Variants in EMX1 observed in about 807,000 individuals in gnomAD.
EMX1 encodes the protein empty spiracles homeobox 1.
Under a neutral mutation model 20.1 loss-of-function variants are expected in EMX1, and 10 were observed. The ratio of observed to expected loss-of-function variants is 0.50; its 90% CI spans 0.31 to 0.84. EMX1 has a LOEUF of 0.84. Ranked by LOEUF, EMX1 falls within the 40% of genes least tolerant of loss-of-function variation. The pLI is 0.05. For synonymous variants in EMX1, 250 were observed against 200.4 expected, an observed-to-expected ratio of 1.25 and a Z score of -2.09; for missense variants, 424 against 431.9, an observed-to-expected ratio of 0.98 and a Z score of 0.16.
At chr2:72,926,687 G>A (rs781528149) in intron 2 of EMX1, among the ~76,000 whole-genome samples, 2 of 152,138 alleles carry the variant, frequency 1.3e-5, no homozygotes, top group African/African-American at 2.4e-5. Flanking sequence ...ATGATTAAAG[G>A]TACCTCATAT....
At chr2:72,928,272 A>G (rs903729343) in intron 2 of EMX1, among the ~76,000 whole-genome samples, 1 of 152,210 alleles carries the variant, frequency 6.6e-6, no homozygotes, top group African/African-American at 2.4e-5. Flanking sequence ...TCTAAGCTTC[A>G]GTCCTGGTGG....
In EMX1 at chr2:72,933,982, A is replaced by G. The variant is rs1671326105; in HGVS notation, c.*28A>G. 1 of 1,613,602 alleles carries G rather than the reference A, an allele frequency of 6.2e-7. No homozygotes were observed. Among genetic ancestry groups the G allele is most frequent in the African/African-American group, 1.3e-5 (1 of 74,954 alleles). On this transcript the variant is annotated 3_prime_UTR_variant, in exon 3 of 3. Transcript: ENST00000258106. ...TGGGCAACCACAAACCCACGAGGGC[A>G]GAGTGCTGCTTGCTGCTGGCCAGGC...
At chr2:72,925,452 G>A in intron 2 of EMX1, 1 of 1,288,254 alleles carries the variant, frequency 7.8e-7, no homozygotes, top group Non-Finnish European at 1.0e-6. Context: ...CGACGTGTTG[G>A]AGTGGGGCTC....
chr2:72,931,142 G>C (rs1399332731), intron 2 of EMX1, among the ~76,000 whole-genome samples: 1 of 152,188 alleles, frequency 6.6e-6, no homozygotes, highest in African/African-American at 2.4e-5. Context: ...CTTGACCCCA[G>C]TATTTTTCAT....
At chr2:72,917,287 G>A (rs889279811), upstream of EMX1, among the ~76,000 whole-genome samples, 6 of 31,736 alleles carry the variant, frequency 1.9e-4, no homozygotes, top group African/African-American at 8.7e-4. Flanking sequence ...CTCCCGCGTG[G>A]GTTGAGACGG....
At chr2:72,917,441 TCGCCC>T (rs560191031), upstream of EMX1, 35 of 192,262 alleles carry the variant, frequency 1.8e-4, no homozygotes, top group African/African-American at 2.3e-4. Flanking sequence ...CCGCCGTCCC[TCGCCC>T]CGCCCCGCCC....
chr2:72,928,298 T>C (rs1671235324), intron 2 of EMX1, among the ~76,000 whole-genome samples: 1 of 152,246 alleles, frequency 6.6e-6, no homozygotes, highest in African/African-American at 2.4e-5. Context: ...TGGGCAGACC[T>C]GGGCCTGGGT....
At chr2:72,929,383 G>T (rs527769542) in intron 2 of EMX1, among the ~76,000 whole-genome samples, 179 of 152,320 alleles carry the variant, frequency 1.2e-3, no homozygotes, top group Non-Finnish European at 2.0e-3. Flanking sequence ...GGCTTAGGGA[G>T]ATCATGGTTA....
At chr2:72,916,857 G>C (rs1382107642), upstream of EMX1, 2 of 717,112 alleles carry the variant, frequency 2.8e-6, no homozygotes, top group African/African-American at 3.5e-5. Context: ...ACCGTGTCTG[G>C]GCACTGGAGC....
At chr2:72,924,775 C>CG (rs1671166284) in intron 2 of EMX1, among the ~76,000 whole-genome samples, 1 of 152,200 alleles carries the variant, frequency 6.6e-6, no homozygotes, top group South Asian at 2.1e-4. Flanking sequence ...AAGCTCCTCA[C>CG]GGGGGGACCA....
intron 1 of EMX1, among the ~76,000 whole-genome samples, chr2:72,922,277 C>T (rs1671116570): frequency 6.6e-6 from 1 of 152,224 alleles, no homozygotes; most frequent in African/African-American, 2.4e-5. Flanking sequence ...CATTTGCTTT[C>T]CACCCACCTT....
At chr2:72,926,604 T>C (rs1299025933) in intron 2 of EMX1, among the ~76,000 whole-genome samples, 1 of 152,218 alleles carries the variant, frequency 6.6e-6, no homozygotes, top group Non-Finnish European at 1.5e-5. Flanking sequence ...CCCTGCTAAC[T>C]TACTGTGTAA....
intron 2 of EMX1, among the ~76,000 whole-genome samples, chr2:72,926,939 C>A (rs1671215433): frequency 6.6e-6 from 1 of 152,174 alleles, no homozygotes; most frequent in Admixed American, 6.5e-5. Context: ...GCTTACCTGT[C>A]ATTTCCAGCT....
At chr2:72,916,424 C>G (rs1423513869), upstream of EMX1, 4 of 538,308 alleles carry the variant, frequency 7.4e-6, no homozygotes, top group Non-Finnish European at 1.3e-5. Flanking sequence ...GGTCCAGGTC[C>G]CAGCCTCCCC....
chr2:72,919,868 A>G (rs1047111752), intron 1 of EMX1, among the ~76,000 whole-genome samples: 2 of 152,216 alleles, frequency 1.3e-5, no homozygotes, highest in Admixed American at 6.5e-5. Context: ...ACATGAGGAT[A>G]TCTTTAAAAT....
At chr2:72,925,570 C>T in intron 2 of EMX1, 1 of 1,285,942 alleles carries the variant, frequency 7.8e-7, no homozygotes, top group Non-Finnish European at 1.0e-6. Flanking sequence ...AGCTACCTCC[C>T]GGCTGACTTT....
At chr2:72,920,683 G>A (rs1671085578) in intron 1 of EMX1, among the ~76,000 whole-genome samples, 1 of 152,252 alleles carries the variant, frequency 6.6e-6, no homozygotes, top group African/African-American at 2.4e-5. Flanking sequence ...GCGCTTGGGC[G>A]GCGCGGTCCC....
chr2:72,927,284 T>C (rs1236180423), intron 2 of EMX1, among the ~76,000 whole-genome samples: 2 of 152,252 alleles, frequency 1.3e-5, no homozygotes, highest in African/African-American at 4.8e-5. Context: ...ACAAACAGTA[T>C]ATTCATATGT....
At chr2:72,931,776 C>A (rs1671289642) in intron 2 of EMX1, among the ~76,000 whole-genome samples, 1 of 152,260 alleles carries the variant, frequency 6.6e-6, no homozygotes, top group Non-Finnish European at 1.5e-5. Context: ...CCTTCCTGGG[C>A]CAGCTTTCCA....
Sources: allele counts gnomAD v4.1 joint callset (sites outside exome capture counted in the v4.1 genomes callset), GRCh38; gene constraint gnomAD v4.1.1; transcripts MANE v1.5; gene names NCBI Gene and HGNC (gene_info 2026-07-23, HGNC 2026-07-21).